Variants in SPMIP6 observed in about 807,000 individuals in gnomAD.
SPMIP6 encodes ciliated bronchial epithelial protein 1.
At chr9:34,384,067 C>T in the SPMIP6 span, among the ~76,000 whole-genome samples, 5 of 152,110 alleles carry the variant, frequency 3.3e-5, no homozygotes, top group East Asian at 7.7e-4. Flanking sequence ...ATATGCGACA[C>T]GGTGTGGAGG....
chr9:34,382,803 T>C, the SPMIP6 span: 1 of 1,614,174 alleles, frequency 6.2e-7, no homozygotes, highest in Non-Finnish European at 8.5e-7. Context: ...GCAGCTGCTG[T>C]TGTAAGGTTC....
At chr9:34,380,518 G>A in the SPMIP6 span, among the ~76,000 whole-genome samples, 6 of 152,176 alleles carry the variant, frequency 3.9e-5, no homozygotes, top group Non-Finnish European at 7.4e-5. Context: ...TGCGTCTCTA[G>A]GGCCAGGAGT....
Sources: allele counts gnomAD v4.1 joint callset (sites outside exome capture counted in the v4.1 genomes callset), GRCh38; gene constraint gnomAD v4.1.1; transcripts MANE v1.5; gene names NCBI Gene and HGNC (gene_info 2026-07-23, HGNC 2026-07-21).